LIN7A: variants seen among roughly 807,000 people sequenced by gnomAD.
The protein encoded by LIN7A is lin-7 cell polarity scaffold A, also known as protein lin-7 homolog A.
A neutral mutation model predicts 29.8 loss-of-function variants in LIN7A; 25 were observed. The observed-to-expected ratio is 0.84, with a 90% CI of 0.61 to 1.17. The LOEUF is 1.17. LIN7A is among the 50% of genes most tolerant of loss of function. The probability of loss-of-function intolerance (pLI) is 0.00; values close to 1 mark genes in which losing one functional copy is unlikely to be tolerated. For missense variants in LIN7A, 239 were observed against 287.0 expected (o/e 0.83, Z 1.21); for synonymous variants, 118 against 107.5 (o/e 1.10, Z -0.60).
chr12:80,886,595 C>G lies in LIN7A; in HGVS notation c.201+2656G>C, dbSNP rs1875339430. On this transcript the variant is annotated intron_variant, in intron 2 of 5. Transcript: ENST00000552864. ...ACACTTCCTGTATAACGTGCATTGC[C>G]TTTAAGAACAAAATTATTACTAAGG... Among the ~76,000 whole-genome samples, 5 of 152,072 alleles carry G rather than the reference C, an allele frequency of 3.3e-5. No homozygotes were observed. The South Asian group carries it at 8.3e-4, about 25-fold the overall frequency.
intron 4 of LIN7A, among the ~76,000 whole-genome samples, chr12:80,832,795 G>A (rs1169674395): frequency 6.6e-6 from 1 of 152,106 alleles, no homozygotes; most frequent in African/African-American, 2.4e-5. Context: ...GCTACTATAT[G>A]GTTTGGAACT....
At chr12:80,923,746 A>C (rs1002256105) in intron 1 of LIN7A, among the ~76,000 whole-genome samples, 1 of 152,176 alleles carries the variant, frequency 6.6e-6, no homozygotes, top group African/African-American at 2.4e-5. Flanking sequence ...TATAGATTCT[A>C]TTACTGACCT....
chr12:80,884,666 A>C (rs1875235330), intron 2 of LIN7A, among the ~76,000 whole-genome samples: 6 of 152,210 alleles, frequency 3.9e-5, no homozygotes, highest in Admixed American at 3.9e-4. Flanking sequence ...AAAGAAGTAG[A>C]GAACTGACCC....
intron 4 of LIN7A, among the ~76,000 whole-genome samples, chr12:80,822,270 TG>T (rs1871842238): frequency 6.6e-6 from 1 of 152,062 alleles, no homozygotes; most frequent in African/African-American, 2.4e-5. Flanking sequence ...AAGAACAATA[TG>T]GGGGCGCTGT....
intron 4 of LIN7A, among the ~76,000 whole-genome samples, chr12:80,835,015 A>G (rs1236072230): frequency 6.6e-6 from 1 of 152,196 alleles, no homozygotes; most frequent in Non-Finnish European, 1.5e-5. Flanking sequence ...TAAAGCAATC[A>G]CTGGTAATTG....
chr12:80,890,559 G>A (rs1875569877), intron 1 of LIN7A, among the ~76,000 whole-genome samples: 1 of 152,052 alleles, frequency 6.6e-6, no homozygotes, highest in Non-Finnish European at 1.5e-5. Context: ...ATCTGGGTGG[G>A]GTTAGCATAG....
At position 80,852,321 on chromosome 12, in the gene LIN7A, T is replaced by C. The variant is rs1280027806; in HGVS notation, c.202-3999A>G. 2.0e-5 allele frequency among the ~76,000 whole-genome samples: 3 copies of C among 152,278 alleles called. No individual in the cohort carries two copies. The East Asian group carries it at 5.8e-4, about 29-fold the overall frequency. Reference sequence around the variant, plus strand: ...GCAATCATTATCACAATATAAACTTTACATTGCATAGTTCGTCTTGATCTT... The same window carrying C: ...GCAATCATTATCACAATATAAACTTCACATTGCATAGTTCGTCTTGATCTT... On this transcript the variant is annotated intron_variant, in intron 2 of 5. Transcript: ENST00000552864.
At chr12:80,823,528 G>A (rs1871916301) in intron 4 of LIN7A, among the ~76,000 whole-genome samples, 1 of 152,192 alleles carries the variant, frequency 6.6e-6, no homozygotes, top group African/African-American at 2.4e-5. Context: ...GCAGTGGCTG[G>A]ACTCCATGCT....
chr12:80,836,035 A>G (rs10862196), intron 4 of LIN7A, among the ~76,000 whole-genome samples: 54,543 of 152,066 alleles, frequency 0.36, 10,061 homozygotes, highest in Non-Finnish European at 0.41. Context: ...ATTTCATTTC[A>G]TAATGAACAG....
Position 80,794,470 on chromosome 12 carries a change from A to C in LIN7A, c.*3257T>G, listed in dbSNP as rs1870354226. 1 of 152,204 alleles carries C rather than the reference A, an allele frequency of 6.6e-6. No individual in the cohort carries two copies. The highest frequency in any genetic ancestry group is 2.4e-5 in the African/African-American group (1 of 41,456). 9.4% of individuals were successfully genotyped at this position (152,204 alleles called of 1,614,324 possible). A position where few individuals can be genotyped will look rare whatever the true frequency, so the allele number is the denominator to read the frequency against. The stretch of plus-strand genomic sequence containing the variant: ...AAATTTAGGCATTATTCACACATCC[A>C]CACATATCTATAGATGTTTAAAATA... On this transcript the variant is annotated 3_prime_UTR_variant, in exon 6 of 6. Coordinates refer to ENST00000552864, the MANE Select transcript of LIN7A (RefSeq NM_004664.4).
At chr12:80,848,836 A>G (rs1230164986) in intron 2 of LIN7A, among the ~76,000 whole-genome samples, 1 of 152,160 alleles carries the variant, frequency 6.6e-6, no homozygotes, top group Non-Finnish European at 1.5e-5. Context: ...TAAAAAAGGA[A>G]AGGGAAAAAC....
At chr12:80,856,344 T>C (rs1873599114) in intron 2 of LIN7A, among the ~76,000 whole-genome samples, 1 of 152,124 alleles carries the variant, frequency 6.6e-6, no homozygotes, top group African/African-American at 2.4e-5. Flanking sequence ...TAGGTCGAAA[T>C]GAGTTATAAA....
chr12:80,896,551 A>T (rs573392136), intron 1 of LIN7A, among the ~76,000 whole-genome samples: 102 of 152,352 alleles, frequency 6.7e-4, no homozygotes, highest in African/African-American at 2.4e-3. Flanking sequence ...TGTCCTACTC[A>T]TCTGACCCTC....
intron 4 of LIN7A, among the ~76,000 whole-genome samples, chr12:80,827,170 G>A (rs960039288): frequency 3.3e-5 from 5 of 152,034 alleles, no homozygotes; most frequent in African/African-American, 4.8e-5. Flanking sequence ...AGCAGATCAC[G>A]AGGTCAGGAG....
At chr12:80,840,292 A>T (rs1042870829) in intron 4 of LIN7A, among the ~76,000 whole-genome samples, 4 of 152,258 alleles carry the variant, frequency 2.6e-5, no homozygotes, top group African/African-American at 9.6e-5. Context: ...TACAATTCAG[A>T]GAGCTTACTC....
At chr12:80,839,975 T>G (rs573533489) in intron 4 of LIN7A, among the ~76,000 whole-genome samples, 2 of 152,348 alleles carry the variant, frequency 1.3e-5, no homozygotes, top group South Asian at 4.1e-4. Context: ...AATGGTGCTC[T>G]AAGACAATGT....
intron 1 of LIN7A, among the ~76,000 whole-genome samples, chr12:80,933,436 A>G (rs758341070): frequency 1.3e-5 from 2 of 152,142 alleles, no homozygotes; most frequent in Non-Finnish European, 2.9e-5. Context: ...TATTAATCTA[A>G]TACACCAAAA....
At chr12:80,867,755 T>C (rs1874216805) in intron 2 of LIN7A, among the ~76,000 whole-genome samples, 1 of 152,212 alleles carries the variant, frequency 6.6e-6, no homozygotes, top group African/African-American at 2.4e-5. Flanking sequence ...ATAGTAAATT[T>C]CAATTGTTTA....
intron 1 of LIN7A, among the ~76,000 whole-genome samples, chr12:80,911,744 G>T (rs1037376422): frequency 6.6e-6 from 1 of 152,096 alleles, no homozygotes; most frequent in East Asian, 1.9e-4. Flanking sequence ...TTTGAGAGAA[G>T]ATTAAATAAG....
Sources: gnomAD v4.1 joint callset for allele counts (sites outside exome capture counted in the v4.1 genomes callset) on GRCh38, gnomAD v4.1.1 for gene constraint, MANE v1.5 for transcripts, NCBI Gene and HGNC (gene_info 2026-07-23, HGNC 2026-07-21) for gene names.